The following VTI1A variants were observed in gnomAD, a reference collection of about 807,000 sequenced individuals.
VTI1A encodes vesicle transport through interaction with t-SNAREs 1A.
A neutral mutation model predicts 34.9 loss-of-function variants in VTI1A; 22 were observed. The observed-to-expected ratio is 0.63, with a 90% CI of 0.45 to 0.90. The LOEUF (loss-of-function observed/expected upper bound fraction) is 0.90. Among genes scored for constraint, VTI1A ranks in the 40% least tolerant of loss-of-function variants. VTI1A has a pLI of 0.00. For missense variants in VTI1A, 268 were observed against 275.6 expected (o/e 0.97, Z 0.20); for synonymous variants, 87 against 97.3 (o/e 0.89, Z 0.62).
chr10:112,775,317 A>G (rs1465371406), intron 7 of VTI1A, among the ~76,000 whole-genome samples: 1 of 152,230 alleles, frequency 6.6e-6, no homozygotes, highest in South Asian at 2.1e-4. Flanking sequence ...TTTTCAATCC[A>G]TGGAAGAAGA....
At chr10:112,759,552 A>C (rs901293945) in intron 7 of VTI1A, among the ~76,000 whole-genome samples, 1 of 152,242 alleles carries the variant, frequency 6.6e-6, no homozygotes, top group African/African-American at 2.4e-5. Flanking sequence ...CACAACGGAC[A>C]CAGTTCAATT....
At chr10:112,511,418 T>C (rs1399261903) in intron 3 of VTI1A, among the ~76,000 whole-genome samples, 1 of 151,912 alleles carries the variant, frequency 6.6e-6, no homozygotes, top group Non-Finnish European at 1.5e-5. Flanking sequence ...TGATTTTTTG[T>C]ATTTTAGTAG....
rs1188781853 is a variant in VTI1A, at chr10:112,706,969, CA to C, written c.560+37978del. Among the ~76,000 whole-genome samples the C allele has an allele frequency of 2.0e-5, 3 of 151,836 alleles. No homozygotes were observed. In the East Asian group the frequency reaches 5.8e-4, roughly 29 times the overall value. On this transcript the variant is annotated intron_variant, in intron 7 of 7. Transcript: ENST00000393077. ...AGTATTTAATTTTTGTTTTTTAACA[CA>C]AAAAAATGTGGTGAGTTTACTGAAC...
At chr10:112,691,307 G>A (rs948628788) in intron 7 of VTI1A, among the ~76,000 whole-genome samples, 14 of 121,112 alleles carry the variant, frequency 1.2e-4, no homozygotes, top group East Asian at 7.2e-4. Flanking sequence ...ATAAATAAAT[G>A]AAAGTTCCAC....
the VTI1A span, among the ~76,000 whole-genome samples, chr10:112,853,264 C>T: frequency 6.6e-6 from 1 of 152,198 alleles, no homozygotes; most frequent in Non-Finnish European, 1.5e-5. Context: ...CCTCCAACCC[C>T]AGAACTGCCC....
chr10:112,637,231 T>C (rs768229528), intron 5 of VTI1A, among the ~76,000 whole-genome samples: 14 of 152,258 alleles, frequency 9.2e-5, no homozygotes, highest in Non-Finnish European at 2.1e-4. Flanking sequence ...ATGATGTTTA[T>C]TCATTGAAGG....
At chr10:112,733,464 C>T (rs527763616) in intron 7 of VTI1A, among the ~76,000 whole-genome samples, 1 of 152,080 alleles carries the variant, frequency 6.6e-6, no homozygotes, top group Non-Finnish European at 1.5e-5. Flanking sequence ...TAATATGTGA[C>T]CTTTTGTGAC....
At chr10:112,634,512 C>G (rs942762655) in intron 5 of VTI1A, among the ~76,000 whole-genome samples, 1 of 68,814 alleles carries the variant, frequency 1.5e-5, no homozygotes, top group African/African-American at 5.8e-5. Context: ...CACACACACA[C>G]ATACACACAC....
chr10:112,449,597 T>C lies in VTI1A; in HGVS notation c.94+2130T>C, dbSNP rs1311625665. The C allele has an allele frequency of 2.6e-5, 4 of 152,046 alleles. No homozygotes were observed. In the East Asian group the frequency reaches 5.8e-4, roughly 22 times the overall value. 9.4% of individuals were successfully genotyped at this position (152,046 alleles called of 1,614,324 possible). ...GGAGAAACCCTGTCTCTACTAAAAA[T>C]ACAAAACTAGCTGGGCGTGGTGGCA... On this transcript the variant is annotated intron_variant, in intron 1 of 7. Transcript: ENST00000393077.
At chr10:112,473,154 G>A (rs1848159025) in intron 3 of VTI1A, among the ~76,000 whole-genome samples, 1 of 149,634 alleles carries the variant, frequency 6.7e-6, no homozygotes, top group South Asian at 2.1e-4. Context: ...CTGTTGCCAG[G>A]CTGGAGTGCA....
chr10:112,825,331 G>A, the VTI1A span: 1 of 152,316 alleles, frequency 6.6e-6, no homozygotes, highest in Admixed American at 6.5e-5. Context: ...CACACCCTGT[G>A]GGGGAGGGGG....
At position 112,691,922 on chromosome 10, in the gene VTI1A, A is replaced by G. The variant is rs1280738319; in HGVS notation, c.560+22924A>G. ...CTGCATTCTGATAACCTTTCCATGC[A>G]TGCTGTGGAAGTGCAAGTGACACTA... On this transcript the variant is annotated intron_variant, in intron 7 of 7. Coordinates refer to ENST00000393077, the MANE Select transcript of VTI1A (RefSeq NM_145206.4). Among the ~76,000 whole-genome samples, 4 of 152,364 alleles carry G rather than the reference A, an allele frequency of 2.6e-5. No individual in the cohort carries two copies. In the East Asian group the frequency reaches 7.7e-4, roughly 29 times the overall value.
intron 5 of VTI1A, among the ~76,000 whole-genome samples, chr10:112,648,632 C>T (rs1846894454): frequency 6.6e-6 from 1 of 152,196 alleles, no homozygotes; most frequent in Admixed American, 6.5e-5. Flanking sequence ...TTCTGTCTTA[C>T]TCTGTAAAGA....
At chr10:112,489,359 C>T (rs751500590) in intron 3 of VTI1A, among the ~76,000 whole-genome samples, 6 of 152,196 alleles carry the variant, frequency 3.9e-5, no homozygotes, top group Non-Finnish European at 8.8e-5. Flanking sequence ...TCATCCTACT[C>T]TAAGTTGCTT....
intron 3 of VTI1A, among the ~76,000 whole-genome samples, chr10:112,467,110 C>G (rs775754161): frequency 2.4e-4 from 37 of 152,172 alleles, no homozygotes; most frequent in Non-Finnish European, 5.0e-4. Flanking sequence ...AGACACAATT[C>G]AGTTCATAAT....
intron 7 of VTI1A, among the ~76,000 whole-genome samples, chr10:112,708,073 A>G (rs1015228021): frequency 6.6e-6 from 1 of 152,220 alleles, no homozygotes; most frequent in Admixed American, 6.5e-5. Flanking sequence ...TCTGTTAGAC[A>G]GTTCTATCCT....
At chr10:112,700,302 C>T (rs778428167) in intron 7 of VTI1A, among the ~76,000 whole-genome samples, 11 of 152,082 alleles carry the variant, frequency 7.2e-5, no homozygotes, top group Admixed American at 1.3e-4. Context: ...GTTTTTCCTG[C>T]TATGTCACAA....
At chr10:112,798,240 G>A (rs1852746006) in intron 7 of VTI1A, among the ~76,000 whole-genome samples, 1 of 152,192 alleles carries the variant, frequency 6.6e-6, no homozygotes, top group Non-Finnish European at 1.5e-5. Flanking sequence ...AGGAGAGGTG[G>A]ACCCCAGTTC....
At chr10:112,620,660 G>T (rs1465523194) in intron 5 of VTI1A, among the ~76,000 whole-genome samples, 1 of 151,910 alleles carries the variant, frequency 6.6e-6, no homozygotes, top group South Asian at 2.1e-4. Flanking sequence ...CATGGTGGTG[G>T]GCGCCTGTAA....
Sources: gnomAD v4.1 joint callset for allele counts (sites outside exome capture counted in the v4.1 genomes callset) on GRCh38, gnomAD v4.1.1 for gene constraint, MANE v1.5 for transcripts, NCBI Gene and HGNC (gene_info 2026-07-23, HGNC 2026-07-21) for gene names.